Variants in CRAMP1 observed in about 807,000 individuals in gnomAD.
CRAMP1 encodes the protein cramped chromatin regulator 1.
Under a neutral mutation model 115.4 loss-of-function variants are expected in CRAMP1, and 50 were observed. That is an observed-to-expected ratio of 0.43 (90% CI 0.35 to 0.55). The LOEUF (loss-of-function observed/expected upper bound fraction) is 0.55, where lower values mean the gene tolerates loss of function less well. CRAMP1 is among the 20% of genes least tolerant of loss of function. The pLI is 0.01. For synonymous variants in CRAMP1, 866 were observed against 745.4 expected, an observed-to-expected ratio of 1.16 and a Z score of -2.64; for missense variants, 1,679 against 1,721.7, an observed-to-expected ratio of 0.98 and a Z score of 0.44.
At chr16:1,642,021 A>T (rs2036636752) in intron 6 of CRAMP1, among the ~76,000 whole-genome samples, 2 of 151,996 alleles carry the variant, frequency 1.3e-5, no homozygotes, top group Admixed American at 1.3e-4. Flanking sequence ...TCTTACATCC[A>T]TCCCGCCCAC....
intron 2 of CRAMP1, 83 bp downstream of exon 2, chr16:1,615,068 G>C: frequency 1.2e-6 from 1 of 864,466 alleles, no homozygotes; most frequent in African/African-American, 1.8e-5. Context: ...CCCCAGCCGG[G>C]CTCCACCCTA....
At chr16:1,643,552 A>G (rs1436491442) in intron 6 of CRAMP1, among the ~76,000 whole-genome samples, 1 of 151,768 alleles carries the variant, frequency 6.6e-6, no homozygotes, top group Non-Finnish European at 1.5e-5. Context: ...GGGAAAGAAA[A>G]AAAAAAAAAA....
chr16:1,664,647 C>T (rs560865044), intron 13 of CRAMP1, among the ~76,000 whole-genome samples: 3 of 152,166 alleles, frequency 2.0e-5, no homozygotes, highest in Non-Finnish European at 4.4e-5. Context: ...GGCGTGATGG[C>T]GAGTGCCTAT....
chr16:1,672,847 G>C lies in CRAMP1; in HGVS notation c.3646-1034G>C, dbSNP rs749567449. Among the ~76,000 whole-genome samples the C allele has an allele frequency of 7.2e-5, 11 of 152,224 alleles. No homozygotes were observed. The highest frequency in any genetic ancestry group is 1.6e-4 in the Non-Finnish European group (11 of 68,040). On this transcript the variant is annotated intron_variant, in intron 20 of 20. Transcript: ENST00000397412. This position sits in a 1 kb window ranked among gnomAD's most constrained non-coding sequence, Gnocchi z 4.9. Reference sequence around the variant, plus strand: ...GGCCCTCCCGTCCTCCGTCTCCTCAGCTCTGTGCTGCCTCACTCACTCTGT... The same window carrying C: ...GGCCCTCCCGTCCTCCGTCTCCTCACCTCTGTGCTGCCTCACTCACTCTGT...
At chr16:1,643,781 C>A (rs1411917797) in intron 6 of CRAMP1, among the ~76,000 whole-genome samples, 13 of 152,240 alleles carry the variant, frequency 8.5e-5, no homozygotes, top group Admixed American at 7.9e-4. Context: ...GAAGAGGGAG[C>A]CTGGCATGGG....
At chr16:1,653,932 G>A (rs2036747069) in intron 8 of CRAMP1, among the ~76,000 whole-genome samples, 1 of 151,880 alleles carries the variant, frequency 6.6e-6, no homozygotes, top group Non-Finnish European at 1.5e-5. Flanking sequence ...ACGAGGTTAG[G>A]AGTTTGAGAC....
chr16:1,645,362 AT>A, intron 6 of CRAMP1: 2 of 251,940 alleles, frequency 7.9e-6, no homozygotes, highest in Admixed American at 5.0e-5. Flanking sequence ...AATTTTTTAT[AT>A]TTTTAGTACA....
intron 3 of CRAMP1, among the ~76,000 whole-genome samples, chr16:1,629,352 A>G (rs2036530786): frequency 1.3e-5 from 2 of 152,050 alleles, no homozygotes; most frequent in African/African-American, 4.8e-5. Flanking sequence ...GCAGGTTTCT[A>G]TCTCTTCACC....
At chr16:1,670,461 G>A (rs1433321366) in intron 19 of CRAMP1, 3 of 596,828 alleles carry the variant, frequency 5.0e-6, no homozygotes, top group Non-Finnish European at 9.0e-6. Context: ...CAAGGTGCAT[G>A]TCTGTATGCA....
In CRAMP1 at chr16:1,666,475, C is replaced by A. The variant is rs375018736; in HGVS notation, c.2911C>A (p.Pro971Thr). The A allele has an allele frequency of 5.0e-6, 8 of 1,613,802 alleles. No individual in the cohort carries two copies. Among genetic ancestry groups the A allele is most frequent in the Non-Finnish European group, 6.8e-6 (8 of 1,179,852 alleles). Reference sequence around the variant, plus strand: ...CGGCATCCTTTCCGGGAACCCCCTCCCTGCCTTGGACACCGAGGGCTTGTC... The same window carrying A: ...CGGCATCCTTTCCGGGAACCCCCTCACTGCCTTGGACACCGAGGGCTTGTC... ...SAGILSGNPL[P>T]ALDTEGLSGI... is the part of the protein sequence containing the mutation. Residue 971 changes from proline (P) to threonine (T), a missense_variant, in exon 16 of 21, where the codon CCT becomes ACT. Pro to Thr is a conservative substitution (Grantham distance 38). This residue lies in a region of CRAMP1 where 709 missense variants were observed against 741.9 expected (regional missense o/e 0.96). Transcript: ENST00000397412. The surrounding 1 kb of genome is among the most constrained non-coding windows in gnomAD (Gnocchi z 5.0).
intron 13 of CRAMP1, 104 bp from the exon 14 acceptor site, chr16:1,664,953 G>A (rs2036861252): frequency 1.3e-6 from 1 of 785,894 alleles, no homozygotes; most frequent in African/African-American, 1.7e-5. Context: ...AGCCCCACCT[G>A]GCTATGCTGG....
At chr16:1,646,228 G>C (rs377657917) in intron 6 of CRAMP1, among the ~76,000 whole-genome samples, 5 of 152,218 alleles carry the variant, frequency 3.3e-5, no homozygotes, top group African/African-American at 4.8e-5. Flanking sequence ...AAGTGCCCAG[G>C]CTTTGCCTCC....
chr16:1,635,687 T>C (rs2036583393), intron 4 of CRAMP1, among the ~76,000 whole-genome samples: 1 of 152,242 alleles, frequency 6.6e-6, no homozygotes, highest in African/African-American at 2.4e-5. Context: ...ATTTTAGAAA[T>C]GGGGATATTA....
chr16:1,612,625 A>G lies in CRAMP1; in HGVS notation c.-34A>G, dbSNP rs564215820. On this transcript the variant is annotated 5_prime_UTR_variant, in exon 1 of 21. Coordinates refer to ENST00000397412, the MANE Select transcript of CRAMP1 (RefSeq NM_020825.4). ...TGCGGGCACCCGGGGAGGCCCCGGG[A>G]AGCCAGGCTGCCGCCCGGCGTTGAT... is the stretch of plus-strand genomic sequence containing the variant. 2.0e-5 allele frequency among the ~76,000 whole-genome samples: 3 copies of G among 151,794 alleles called. No individual in the cohort carries two copies. The highest frequency in any genetic ancestry group is 7.2e-5 in the African/African-American group (3 of 41,402).
rs753456827 is a variant in CRAMP1, at chr16:1,656,607, C to G, written c.1850C>G (p.Pro617Arg). 1.3e-6 allele frequency: 2 copies of G among 1,572,660 alleles called. No individual in the cohort carries two copies. Among genetic ancestry groups the G allele is most frequent in the South Asian group, 1.2e-5 (1 of 85,684 alleles). The change falls in exon 10 of 21, where the codon CCG (proline) becomes CGG (arginine). Residue 617 changes from proline (P) to arginine (R), a missense_variant. Transcript: ENST00000397412. The surrounding 1 kb of genome is among the most constrained non-coding windows in gnomAD (Gnocchi z 5.6). ...GACCTTGCTCCCACTGGCCCATCCCCGAGGCCCGGCCCCGGGCTCCTGCTG... is the reference window on the plus strand; with the variant it reads ...GACCTTGCTCCCACTGGCCCATCCCGGAGGCCCGGCCCCGGGCTCCTGCTG... The part of the protein sequence containing the change: ...AADLAPTGPS[P>R]RPGPGLLLDV...
chr16:1,656,885 C>A lies in CRAMP1; in HGVS notation c.2128C>A (p.Pro710Thr). The A allele has an allele frequency of 6.4e-7, 1 of 1,551,022 alleles. No individual in the cohort carries two copies. Among genetic ancestry groups the A allele is most frequent in the Non-Finnish European group, 8.7e-7 (1 of 1,147,432 alleles). ...KLQLEYDWLG[P>T]GRQDPRPGSL... Reference sequence around the variant, plus strand: ...GCAGCTGGAGTACGACTGGCTGGGGCCCGGCCGCCAGGACCCCCGCCCCGG... The same window carrying A: ...GCAGCTGGAGTACGACTGGCTGGGGACCGGCCGCCAGGACCCCCGCCCCGG... Residue 710 changes from proline to threonine, a missense_variant, in exon 10 of 21, where the codon CCC becomes ACC. Physicochemically the swap from Pro to Thr is conservative, Grantham distance 38. Coordinates refer to ENST00000397412, the MANE Select transcript of CRAMP1 (RefSeq NM_020825.4). The surrounding 1 kb of genome is among the most constrained non-coding windows in gnomAD (Gnocchi z 5.6).
At chr16:1,637,212 T>C (rs990200361) in intron 4 of CRAMP1, among the ~76,000 whole-genome samples, 4 of 152,018 alleles carry the variant, frequency 2.6e-5, no homozygotes, top group Middle Eastern at 3.4e-3. Flanking sequence ...GAGAATCTCT[T>C]GAGCCTGGGA....
chr16:1,655,342 C>T (rs1190790720), intron 9 of CRAMP1, 42 bp downstream of exon 9: 1 of 1,507,800 alleles, frequency 6.6e-7, no homozygotes. Flanking sequence ...GGCTGCGCTG[C>T]CTCTGCTGCC....
At chr16:1,623,218 G>T (rs1192405516) in intron 2 of CRAMP1, among the ~76,000 whole-genome samples, 1 of 152,242 alleles carries the variant, frequency 6.6e-6, no homozygotes, top group Non-Finnish European at 1.5e-5. Flanking sequence ...AGGAAAGGGT[G>T]AACCCCTCAC....
Sources: gnomAD v4.1 joint callset for allele counts (sites outside exome capture counted in the v4.1 genomes callset) on GRCh38, gnomAD v4.1.1 for gene constraint, gnomAD v4.1.1 regional missense constraint, Gnocchi (gnomAD v3.1) non-coding constraint, MANE v1.5 for transcripts, NCBI Gene and HGNC (gene_info 2026-07-23, HGNC 2026-07-21) for gene names.